The following GNAL variants were observed in gnomAD, a reference collection of about 807,000 sequenced individuals.
GNAL encodes guanine nucleotide-binding protein G(olf) subunit alpha.
A neutral mutation model predicts 55.1 loss-of-function variants in GNAL; 18 were observed. The ratio of observed to expected loss-of-function variants is 0.33; its 90% confidence interval spans 0.23 to 0.48. The LOEUF (loss-of-function observed/expected upper bound fraction) is 0.48, where lower values mean the gene tolerates loss of function less well. Ranked by LOEUF, GNAL falls within the 20% of genes least tolerant of loss-of-function variation. The pLI is 0.99. For missense variants in GNAL, 412 were observed against 614.1 expected (o/e 0.67, Z 3.48); for synonymous variants, 253 against 237.0 (o/e 1.07, Z -0.62).
intron 1 of GNAL, chr18:11,746,709 T>C (rs16976628): frequency 0.049 from 13,972 of 283,064 alleles, 548 homozygotes; most frequent in African/African-American, 0.12. Flanking sequence ...GCTTGGACTC[T>C]GGCTTGGTTG....
In GNAL at chr18:11,751,551, A is replaced by C. The variant is rs1043167348; in HGVS notation, c.377-1302A>C. 2 of 985,348 alleles carry C rather than the reference A, an allele frequency of 2.0e-6. No individual in the cohort carries two copies. The highest frequency in any genetic ancestry group is 3.5e-5 in the African/African-American group (2 of 57,242). The allele number at this position is 985,348 out of a possible 1,614,324, so 61.0% of individuals were successfully genotyped here. ...CCTCCTCCCTGCTAGAATATGCATG[A>C]TCCTCCGCGAGTCTTCGCCCGCCAG... On this transcript the variant is annotated intron_variant, in intron 1 of 11. Transcript: ENST00000334049. This position sits in a 1 kb window ranked among gnomAD's most constrained non-coding sequence, Gnocchi z 4.5.
rs1319268316 is a variant in GNAL, at chr18:11,770,347, AATG to A, written c.624+16405_624+16407del. 3.3e-5 allele frequency among the ~76,000 whole-genome samples: 5 copies of A among 152,330 alleles called. No homozygotes were observed. In the East Asian group the frequency reaches 5.8e-4, roughly 18 times the overall value. ...TTATTCTTCAGAAACATCTGAAAAGAATGATATTTTCATAGCAAAACCTTTAGA... is the reference window on the plus strand; with the variant it reads ...TTATTCTTCAGAAACATCTGAAAAGAATATTTTCATAGCAAAACCTTTAGA... On this transcript the variant is annotated intron_variant, in intron 4 of 11. Coordinates refer to ENST00000334049, the MANE Select transcript of GNAL (RefSeq NM_182978.4).
At chr18:11,794,759 T>TTA (rs1230272205) in intron 4 of GNAL, among the ~76,000 whole-genome samples, 39 of 90,366 alleles carry the variant, frequency 4.3e-4, no homozygotes, top group African/African-American at 1.6e-3. Flanking sequence ...ACACACAGGT[T>TTA]AAAAAAAAAA....
At chr18:11,785,388 A>C (rs954099163) in intron 4 of GNAL, among the ~76,000 whole-genome samples, 1 of 152,202 alleles carries the variant, frequency 6.6e-6, no homozygotes, top group African/African-American at 2.4e-5. Flanking sequence ...TATGCCTCCA[A>C]GCCCCCAATA....
At chr18:11,768,903 A>AT (rs368529073) in intron 4 of GNAL, among the ~76,000 whole-genome samples, 1,706 of 113,014 alleles carry the variant, frequency 0.015, 96 homozygotes, top group African/African-American at 0.035. Context: ...CAAAAAAAAA[A>AT]AAAAATATAT....
intron 5 of GNAL, among the ~76,000 whole-genome samples, chr18:11,831,682 C>G (rs1485139435): frequency 4.6e-5 from 7 of 152,244 alleles, no homozygotes. Context: ...CGTACCTTGT[C>G]CACTCCGTAA....
At chr18:11,764,063 T>A (rs2033328625) in intron 4 of GNAL, among the ~76,000 whole-genome samples, 2 of 152,308 alleles carry the variant, frequency 1.3e-5, no homozygotes, top group South Asian at 2.1e-4. Context: ...TATAAGTAAA[T>A]TCCAGGAATG....
At chr18:11,764,163 G>A (rs1376146580) in intron 4 of GNAL, among the ~76,000 whole-genome samples, 1 of 152,030 alleles carries the variant, frequency 6.6e-6, no homozygotes, top group African/African-American at 2.4e-5. Flanking sequence ...ACAGTGCAGT[G>A]GCACAAGCTC....
At chr18:11,717,019 C>T (rs1279708931) in intron 1 of GNAL, among the ~76,000 whole-genome samples, 3 of 152,234 alleles carry the variant, frequency 2.0e-5, no homozygotes, top group South Asian at 2.1e-4. Flanking sequence ...CAGGGAGGCT[C>T]AGCTTTGCAG....
chr18:11,722,098 G>T (rs1306739440), intron 1 of GNAL, among the ~76,000 whole-genome samples: 1 of 152,018 alleles, frequency 6.6e-6, no homozygotes, highest in Non-Finnish European at 1.5e-5. Context: ...ATTCACCTTG[G>T]TTTTGAATTG....
At chr18:11,740,236 TGTGTGCTAG>T (rs1203263326) in intron 1 of GNAL, among the ~76,000 whole-genome samples, 1 of 152,114 alleles carries the variant, frequency 6.6e-6, no homozygotes, top group Admixed American at 6.6e-5. Flanking sequence ...ATCCAGCTCT[TGTGTGCTAG>T]TGGTGTACCC....
At chr18:11,728,632 G>A (rs1598414951) in intron 1 of GNAL, among the ~76,000 whole-genome samples, 1 of 152,072 alleles carries the variant, frequency 6.6e-6, no homozygotes, top group African/African-American at 2.4e-5. Context: ...AGATAAATCT[G>A]CTTAATAGTT....
chr18:11,808,367 CTTAT>C lies in GNAL; in HGVS notation c.625-16548_625-16545del, dbSNP rs2034720196. Among the ~76,000 whole-genome samples, 24 of 152,234 alleles carry C rather than the reference CTTAT, an allele frequency of 1.6e-4. No homozygotes were observed. The South Asian group carries it at 5.0e-3, about 32-fold the overall frequency. On this transcript the variant is annotated intron_variant, in intron 4 of 11. Transcript: ENST00000334049. Reference sequence around the variant, plus strand: ...GTACTAAGCCAGGCTTTGGGGCTTTCTTATTTGATTATTTGGAATTGTCAGGAAT... The same window carrying C: ...GTACTAAGCCAGGCTTTGGGGCTTTCTTGATTATTTGGAATTGTCAGGAAT...
chr18:11,830,267 T>C (rs575304358), intron 5 of GNAL, among the ~76,000 whole-genome samples: 2 of 142,064 alleles, frequency 1.4e-5, no homozygotes, highest in South Asian at 4.7e-4. Flanking sequence ...GTCACCTTGC[T>C]CAACAGAATT....
Position 11,880,093 on chromosome 18 carries a change from C to A in GNAL, c.1231-896C>A, listed in dbSNP as rs547473478. ...CCAACATGGTGAAACCCCGTCTCTACTAAAAATACAAAAAGTAGCCAGGCG... is the reference window on the plus strand; with the variant it reads ...CCAACATGGTGAAACCCCGTCTCTAATAAAAATACAAAAAGTAGCCAGGCG... On this transcript the variant is annotated intron_variant, in intron 11 of 11. Transcript: ENST00000334049. Among the ~76,000 whole-genome samples the A allele has an allele frequency of 6.6e-5, 10 of 150,816 alleles. No individual in the cohort carries two copies. The South Asian group carries it at 1.7e-3, about 26-fold the overall frequency.
chr18:11,731,792 C>G (rs1168327524), intron 1 of GNAL, among the ~76,000 whole-genome samples: 3 of 152,126 alleles, frequency 2.0e-5, no homozygotes, highest in Non-Finnish European at 4.4e-5. Flanking sequence ...ATCTAATTCC[C>G]GAATGTTTTC....
At chr18:11,726,112 G>A (rs1426417009) in intron 1 of GNAL, among the ~76,000 whole-genome samples, 1 of 152,202 alleles carries the variant, frequency 6.6e-6, no homozygotes, top group Admixed American at 6.5e-5. Context: ...TGATCTGCAT[G>A]TCTGTTGTTG....
At chr18:11,871,527 G>A (rs1217802294) in intron 9 of GNAL, among the ~76,000 whole-genome samples, 1 of 152,184 alleles carries the variant, frequency 6.6e-6, no homozygotes, top group Non-Finnish European at 1.5e-5. Context: ...GGGATTACAG[G>A]CGTGAGCCAC....
rs2031170941 is a variant in GNAL at position 11,689,677 on chromosome 18, G to T, written c.114G>T (p.Leu38=). ...CGCAGCCCGCCCCGGCCCCGGCCCT[G>T]GCCCCAGTCCGGGCGGCCGCAAGGG... is the stretch of plus-strand genomic sequence containing the variant. The part of the protein sequence containing the change: ...EDAQPAPAPA[L]APVRAAARDT... Residue 38 remains leucine (L), a synonymous_variant, in exon 1 of 12, where the codon CTG becomes CTT. Transcript: ENST00000334049. 2 of 1,457,322 alleles carry T rather than the reference G, an allele frequency of 1.4e-6. No homozygotes were observed. Among genetic ancestry groups the T allele is most frequent in the African/African-American group, 3.2e-5 (2 of 63,136 alleles). The allele number at this position is 1,457,322 out of a possible 1,614,324, so 90.3% of individuals were successfully genotyped here.
Sources: allele counts gnomAD v4.1 joint callset (sites outside exome capture counted in the v4.1 genomes callset), GRCh38; gene constraint gnomAD v4.1.1; non-coding constraint Gnocchi (gnomAD v3.1); transcripts MANE v1.5; gene names NCBI Gene and HGNC (gene_info 2026-07-23, HGNC 2026-07-21).